Variants in RDH16 observed in about 807,000 individuals in gnomAD.
RDH16 encodes the protein human epidermal retinol dehydrogenase.
RDH16 carries 25 observed loss-of-function variants against 22.3 expected under a neutral mutation model. The observed-to-expected ratio is 1.12, with a 90% CI of 0.82 to 1.56. RDH16 has a LOEUF of 1.56. Ranked by LOEUF, RDH16 falls within the 40% of genes most tolerant of loss-of-function variation. RDH16 has a pLI of 0.00. For synonymous variants in RDH16, 154 were observed against 164.4 expected (o/e 0.94, Z 0.48); for missense variants, 413 against 394.9 (o/e 1.05, Z -0.39).
At chr12:56,956,578 C>T (rs1955930329) in intron 1 of RDH16, among the ~76,000 whole-genome samples, 1 of 152,036 alleles carries the variant, frequency 6.6e-6, no homozygotes. Flanking sequence ...TATAATAAGA[C>T]AGATGAATTA....
chr12:56,957,117 A>C (rs972233231), intron 1 of RDH16, 33 bp downstream of exon 1: 16 of 1,576,278 alleles, frequency 1.0e-5, no homozygotes, highest in African/African-American at 1.3e-5. Flanking sequence ...CAGAGGGAAG[A>C]CACAGACAGA....
rs1955886207 is a variant in RDH16 at position 56,952,127 on chromosome 12, C to T, written c.856G>A (p.Asp286Asn). The T allele has an allele frequency of 1.2e-6, 2 of 1,614,154 alleles. No individual in the cohort carries two copies. The highest frequency in any genetic ancestry group is 1.7e-6 in the Non-Finnish European group (2 of 1,180,028). ...HPRTRYSAGW[D>N]AKLLYLPMSY... The stretch of plus-strand genomic sequence containing the variant: ...ATGGGGAGGTAGAGAAGCTTGGCAT[C>T]CCAGCCAGCTGAGTAGCGAGTACGG... The change falls in exon 4 of 4, where the codon GAT becomes AAT. Residue 286 changes from aspartate to asparagine, a missense_variant. Asp to Asn is a conservative substitution (Grantham distance 23, BLOSUM62 1). Coordinates refer to ENST00000398138, the MANE Select transcript of RDH16 (RefSeq NM_003708.5).
At chr12:56,954,684 T>C (rs1955910749) in intron 2 of RDH16, among the ~76,000 whole-genome samples, 1 of 152,160 alleles carries the variant, frequency 6.6e-6, no homozygotes, top group Non-Finnish European at 1.5e-5. Context: ...CAAGAAACTC[T>C]CTGACCTGGG....
rs1242320814 is a variant in RDH16, at chr12:56,951,476, C to G, written c.*553G>C. 6.1e-6 allele frequency: 1 copy of G among 163,574 alleles called. No individual in the cohort carries two copies. The highest frequency in any genetic ancestry group is 2.4e-5 in the African/African-American group (1 of 41,834). The allele number at this position is 163,574 out of a possible 1,614,324, so 10.1% of individuals were successfully genotyped here. ...TGATTTATTTGTCCTCTGCACAGAT[C>G]CTTACTTAGGACACCACCTCCCAGC... On this transcript the variant is annotated 3_prime_UTR_variant, in exon 4 of 4. Transcript: ENST00000398138.
intron 1 of RDH16, among the ~76,000 whole-genome samples, chr12:56,955,527 T>C (rs1445787138): frequency 6.6e-6 from 1 of 152,176 alleles, no homozygotes; most frequent in Non-Finnish European, 1.5e-5. Context: ...TTGCAGACAT[T>C]ACAGACATAC....
In RDH16 at chr12:56,957,220, G is replaced by A; in HGVS notation, c.243C>T (p.Thr81=). 1 of 1,614,102 alleles carries A rather than the reference G, an allele frequency of 6.2e-7. No homozygotes were observed. The change falls in exon 1 of 4, where the codon ACC becomes ACT. Residue 81 remains threonine, a synonymous_variant. Coordinates refer to ENST00000398138, the MANE Select transcript of RDH16 (RefSeq NM_003708.5). ...CGCTCTCTGTCTTGGTAACATCCAG[G>A]GTCACCGTCTCCAGCCTGTCTGAAG... ...GQTSDRLETV[T]LDVTKTESVA...
rs747020865 is a variant in RDH16, at chr12:56,954,974, C to A, written c.504G>T (p.Arg168=). The A allele has an allele frequency of 2.5e-6, 4 of 1,614,032 alleles. No homozygotes were observed. The highest frequency in any genetic ancestry group is 3.4e-6 in the Non-Finnish European group (4 of 1,180,040). The change falls in exon 2 of 4, where the codon CGG becomes CGT. Residue 168 remains arginine (R), a synonymous_variant. Coordinates refer to ENST00000398138, the MANE Select transcript of RDH16 (RefSeq NM_003708.5). ...RVVNVSSVMG[R]VSLFGGGYCI... ...AGTAGCCTCCACCAAAAAGTGACAC[C>A]CGGCCCATGACACTGGAGACGTTGA...
In RDH16 at chr12:56,951,697, G is replaced by C. The variant is rs932333384; in HGVS notation, c.*332C>G. ...AGCAGGAGGTAATGGCATGGGCTGAGGCTCCTTCCACCTGCTCACACCCAC... is the reference window on the plus strand; with the variant it reads ...AGCAGGAGGTAATGGCATGGGCTGACGCTCCTTCCACCTGCTCACACCCAC... On this transcript the variant is annotated 3_prime_UTR_variant, in exon 4 of 4. Coordinates refer to ENST00000398138, the MANE Select transcript of RDH16 (RefSeq NM_003708.5). 4 of 344,480 alleles carry C rather than the reference G, an allele frequency of 1.2e-5. No homozygotes were observed. Among genetic ancestry groups the C allele is most frequent in the Admixed American group, 3.9e-5 (1 of 25,694 alleles). The allele number at this position is 344,480 out of a possible 1,614,324, so 21.3% of individuals were successfully genotyped here.
At chr12:56,956,246 G>A (rs1041501186) in intron 1 of RDH16, among the ~76,000 whole-genome samples, 1 of 152,102 alleles carries the variant, frequency 6.6e-6, no homozygotes, top group African/African-American at 2.4e-5. Context: ...TAAAAAGCAG[G>A]AAGGAATTTC....
At chr12:56,957,103 C>G in intron 1 of RDH16, 47 bp downstream of exon 1, 2 of 1,553,852 alleles carry the variant, frequency 1.3e-6, no homozygotes, top group South Asian at 2.4e-5. Flanking sequence ...GTGGTCCCTT[C>G]ACACAGAGGG....
intron 2 of RDH16, among the ~76,000 whole-genome samples, 199 bp downstream of exon 2, chr12:56,954,707 G>A (rs892491890): frequency 3.9e-5 from 6 of 152,172 alleles, no homozygotes; most frequent in Admixed American, 1.3e-4. Flanking sequence ...CCCTCCTGTC[G>A]CCCAGCACTC....
At position 56,952,981 on chromosome 12, in the gene RDH16, G is replaced by C. The variant is rs1369072926; in HGVS notation, c.582C>G (p.Leu194=). ...TAGCCACCTTCACCCCAAAGTAGGA[G>C]AGTTCCCTCCTGCAAGACAGAGAAG... The part of the protein sequence containing the change: ...EAFSDSLRRE[L]SYFGVKVAMI... Residue 194 remains leucine (L), a synonymous_variant, in exon 3 of 4, where the codon CTC becomes CTG. Coordinates refer to ENST00000398138, the MANE Select transcript of RDH16 (RefSeq NM_003708.5). 1 of 1,611,970 alleles carries C rather than the reference G, an allele frequency of 6.2e-7. No homozygotes were observed. Among genetic ancestry groups the C allele is most frequent in the Non-Finnish European group, 8.5e-7 (1 of 1,179,054 alleles).
rs1955881861 is a variant in RDH16, at chr12:56,951,858, A to G, written c.*171T>C. On this transcript the variant is annotated 3_prime_UTR_variant, in exon 4 of 4. Transcript: ENST00000398138. ...TTGAAACTTTCCTACCAACATCTCC[A>G]GAGAGCAGAATTATCTCCCAGGAGA... 2 of 615,838 alleles carry G rather than the reference A, an allele frequency of 3.2e-6. No individual in the cohort carries two copies. Among genetic ancestry groups the G allele is most frequent in the Non-Finnish European group, 5.7e-6 (2 of 347,854 alleles). The allele number at this position is 615,838 out of a possible 1,614,324, so 38.1% of individuals were successfully genotyped here. A position where few individuals can be genotyped will look rare whatever the true frequency, so the allele number is the denominator to read the frequency against.
At position 56,954,798 on chromosome 12, in the gene RDH16, T is replaced by C. The variant is rs113913617; in HGVS notation, c.572+108A>G. 2,646 of 1,171,390 alleles carry C rather than the reference T, an allele frequency of 2.3e-3. 41 individuals are homozygous for C. The African/African-American group carries it at 0.036, about 16-fold the overall frequency. The allele number at this position is 1,171,390 out of a possible 1,614,324, so 72.6% of individuals were successfully genotyped here. The stretch of plus-strand genomic sequence containing the variant: ...TGTCACACATGAAGACAGAGAGTGA[T>C]CTCATGAAAGGAACTTACAGGCTGG... On this transcript the variant is annotated intron_variant, in intron 2 of 3. Transcript: ENST00000398138.
At position 56,952,120 on chromosome 12, in the gene RDH16, T is replaced by C. The variant is rs764026710; in HGVS notation, c.863A>G (p.Lys288Arg). Residue 288 changes from lysine to arginine, a missense_variant, in exon 4 of 4, where the codon AAG becomes AGG. By Grantham distance (26) the Lys-to-Arg change is conservative. Transcript: ENST00000398138. ...GTAGCTCATGGGGAGGTAGAGAAGC[T>C]TGGCATCCCAGCCAGCTGAGTAGCG... ...RTRYSAGWDA[K>R]LLYLPMSYMP... 2 of 1,614,144 alleles carry C rather than the reference T, an allele frequency of 1.2e-6. No individual in the cohort carries two copies. The highest frequency in any genetic ancestry group is 1.7e-6 in the Non-Finnish European group (2 of 1,180,030).
At chr12:56,955,223 G>C in intron 1 of RDH16, 59 bp from the exon 2 acceptor site, 1 of 1,594,150 alleles carries the variant, frequency 6.3e-7, no homozygotes, top group Admixed American at 1.7e-5. Context: ...GGTGGACAGA[G>C]TTAGGGTGCA....
chr12:56,957,541 A>T lies in RDH16; in HGVS notation c.-79T>A. The stretch of plus-strand genomic sequence containing the variant: ...TCTGTTCAGACAGGAGGATTTAAGA[A>T]CACAGAGGGCTGTGGTAGGCAGGGA... On this transcript the variant is annotated 5_prime_UTR_variant, in exon 1 of 4. An upstream open reading frame in the 5' UTR gains an earlier in-frame stop. Coordinates refer to ENST00000398138, the MANE Select transcript of RDH16 (RefSeq NM_003708.5). 1 of 1,477,100 alleles carries T rather than the reference A, an allele frequency of 6.8e-7. No individual in the cohort carries two copies. 91.5% of individuals were successfully genotyped at this position (1,477,100 alleles called of 1,614,324 possible). A position where few individuals can be genotyped will look rare whatever the true frequency, so the allele number is the denominator to read the frequency against.
At chr12:56,954,771 G>T in intron 2 of RDH16, 135 bp downstream of exon 2, 1 of 927,628 alleles carries the variant, frequency 1.1e-6, no homozygotes, top group Non-Finnish European at 1.6e-6. Context: ...GGAAGATGAG[G>T]GTGTCACACA....
At chr12:56,956,184 C>G (rs971190083) in intron 1 of RDH16, among the ~76,000 whole-genome samples, 1 of 152,108 alleles carries the variant, frequency 6.6e-6, no homozygotes, top group African/African-American at 2.4e-5. Context: ...AATACTCACA[C>G]TTACAGAGAC....
Sources: gnomAD v4.1 joint callset for allele counts (sites outside exome capture counted in the v4.1 genomes callset) on GRCh38, gnomAD v4.1.1 for gene constraint, MANE v1.5 for transcripts, NCBI Gene and HGNC (gene_info 2026-07-23, HGNC 2026-07-21) for gene names.